CHM: variants seen among roughly 807,000 people sequenced by gnomAD.
CHM encodes rab proteins geranylgeranyltransferase component A 1.
A neutral mutation model predicts 49.0 loss-of-function variants in CHM; 10 were observed. The observed-to-expected ratio is 0.20, with a 90% CI of 0.13 to 0.35. The LOEUF (loss-of-function observed/expected upper bound fraction) is 0.35. Among genes scored for constraint, CHM ranks in the 10% least tolerant of loss-of-function variants. CHM has a pLI of 1.00. For synonymous variants in CHM, 184 were observed against 167.5 expected (o/e 1.10, Z -0.76); for missense variants, 455 against 478.4 (o/e 0.95, Z 0.46).
intron 12 of CHM, among the ~76,000 whole-genome samples, chrX:85,893,565 A>G (rs779130041): frequency 2.7e-5 from 3 of 111,655 alleles, no homozygotes; most frequent in Non-Finnish European, 3.8e-5. Flanking sequence ...CCCACAATGC[A>G]AAAGTTATTA....
intron 8 of CHM, among the ~76,000 whole-genome samples, chrX:85,938,681 T>A (rs1174877764): frequency 1.8e-5 from 2 of 110,155 alleles, no homozygotes; most frequent in Non-Finnish European, 3.8e-5. Context: ...GGCATGCAAT[T>A]TCAGGGTATT....
chrX:86,020,327 G>C (rs1676862477), intron 2 of CHM, among the ~76,000 whole-genome samples: 1 of 110,450 alleles, frequency 9.1e-6, no homozygotes, highest in Admixed American at 9.7e-5. Context: ...TCTAATAGTA[G>C]CAGTAGTATT....
At chrX:85,960,600 T>G (rs937557696) in intron 5 of CHM, among the ~76,000 whole-genome samples, 4 of 110,044 alleles carry the variant, frequency 3.6e-5, no homozygotes, top group African/African-American at 1.3e-4. Flanking sequence ...ATTTTTTGTA[T>G]TTTTAGTAGC....
intron 1 of CHM, among the ~76,000 whole-genome samples, chrX:86,030,714 A>G (rs1012501922): frequency 4.5e-5 from 5 of 111,152 alleles, no homozygotes; most frequent in Non-Finnish European, 9.4e-5. Flanking sequence ...TCCAAAGAAC[A>G]GGAGAAATTA....
chrX:85,875,911 C>T (rs1348791081), intron 13 of CHM, among the ~76,000 whole-genome samples: 1 of 111,606 alleles, frequency 9.0e-6, no homozygotes, highest in African/African-American at 3.3e-5. Context: ...AACAATCAAG[C>T]ACAGGGCTAA....
In CHM at chrX:86,010,324, G is replaced by A. The variant is rs187640387; in HGVS notation, c.116+17167C>T. Among the ~76,000 whole-genome samples the A allele has an allele frequency of 6.1e-3, 630 of 102,498 alleles. 6 individuals carry two copies. The highest frequency in any genetic ancestry group is 0.021 in the African/African-American group (589 of 27,547). The allele number at this position is 102,498 out of a possible 115,157, so 89.0% of individuals were successfully genotyped here. A position where few individuals can be genotyped will look rare whatever the true frequency, so the allele number is the denominator to read the frequency against. On this transcript the variant is annotated intron_variant, in intron 2 of 14. Coordinates refer to ENST00000357749, the MANE Select transcript of CHM (RefSeq NM_000390.4). ...CCTATGTAACAAACCTGCATGTTGC[G>A]CACATGTACCCTAGAACTTAAAGGA...
chrX:85,990,737 A>G (rs1249638948), intron 2 of CHM, among the ~76,000 whole-genome samples: 1 of 111,963 alleles, frequency 8.9e-6, no homozygotes, highest in East Asian at 2.8e-4. Context: ...GCAATACTAC[A>G]GGTAGACTCA....
chrX:85,969,016 T>C (rs1021982963), intron 4 of CHM: 44 of 538,014 alleles, frequency 8.2e-5, no homozygotes, highest in Non-Finnish European at 9.7e-5. Flanking sequence ...GAAGTATTAG[T>C]GTTCGAGAAG....
At chrX:85,938,816 A>ATGTG (rs775266882) in intron 8 of CHM, among the ~76,000 whole-genome samples, 18 of 109,505 alleles carry the variant, frequency 1.6e-4, no homozygotes, top group Middle Eastern at 9.7e-3. Context: ...AAGCTGATAT[A>ATGTG]TGTGTGTGTG....
chrX:85,996,328 T>G (rs1047360830), intron 2 of CHM, among the ~76,000 whole-genome samples: 2 of 111,988 alleles, frequency 1.8e-5, no homozygotes, highest in African/African-American at 6.5e-5. Flanking sequence ...ATTCTACATA[T>G]GTACAGTTAA....
intron 8 of CHM, among the ~76,000 whole-genome samples, chrX:85,926,560 T>A (rs931192336): frequency 4.5e-5 from 5 of 111,188 alleles, no homozygotes; most frequent in African/African-American, 1.6e-4. Flanking sequence ...CTGGCCTGTT[T>A]CTTGAAACTT....
At chrX:85,899,967 C>A (rs1244323167) in intron 11 of CHM, among the ~76,000 whole-genome samples, 1 of 110,037 alleles carries the variant, frequency 9.1e-6, no homozygotes, top group African/African-American at 3.3e-5. Context: ...GGTTGGAATG[C>A]AAATCAAATC....
At chrX:85,912,426 A>G (rs1331380891) in intron 8 of CHM, among the ~76,000 whole-genome samples, 1 of 111,536 alleles carries the variant, frequency 9.0e-6, no homozygotes, top group Admixed American at 9.5e-5. Flanking sequence ...AATAGGATTA[A>G]ACTCCCCAAA....
At chrX:85,943,703 T>C (rs1929252857) in intron 8 of CHM, among the ~76,000 whole-genome samples, 1 of 111,899 alleles carries the variant, frequency 8.9e-6, no homozygotes, top group African/African-American at 3.2e-5. Flanking sequence ...AATAACACAA[T>C]ATTTTTGCAA....
chrX:86,012,230 G>A (rs1366818902), intron 2 of CHM, among the ~76,000 whole-genome samples: 2 of 111,480 alleles, frequency 1.8e-5, no homozygotes, highest in East Asian at 5.6e-4. Flanking sequence ...CCTAAAGCTG[G>A]AGAGAAAATA....
intron 2 of CHM, among the ~76,000 whole-genome samples, chrX:86,014,372 T>C (rs1933202385): frequency 8.9e-6 from 1 of 112,111 alleles, no homozygotes; most frequent in Admixed American, 9.4e-5. Context: ...AGAGCAAGAC[T>C]GCCTGACTAT....
At chrX:85,989,635 A>G (rs1455755011) in intron 2 of CHM, among the ~76,000 whole-genome samples, 3 of 112,091 alleles carry the variant, frequency 2.7e-5, no homozygotes, top group Non-Finnish European at 5.6e-5. Context: ...TCTAAAAAGA[A>G]CTTCAACAAA....
intron 8 of CHM, among the ~76,000 whole-genome samples, chrX:85,931,062 G>A (rs1180663284): frequency 9.0e-6 from 1 of 110,974 alleles, no homozygotes; most frequent in Non-Finnish European, 1.9e-5. Flanking sequence ...CTAAGTAACA[G>A]GATGGTCAAA....
chrX:85,979,781 C>G (rs1187582740), intron 3 of CHM, among the ~76,000 whole-genome samples: 2 of 111,866 alleles, frequency 1.8e-5, no homozygotes, highest in African/African-American at 6.5e-5. Context: ...TTTAAACTTA[C>G]AAATGTCATA....
Sources: allele counts gnomAD v4.1 joint callset (sites outside exome capture counted in the v4.1 genomes callset), GRCh38; gene constraint gnomAD v4.1.1; transcripts MANE v1.5; gene names NCBI Gene and HGNC (gene_info 2026-07-23, HGNC 2026-07-21).